Variants in SF3A2 observed in about 807,000 individuals in gnomAD.
SF3A2 encodes splicing factor 3a subunit 2.
A neutral mutation model predicts 31.1 loss-of-function variants in SF3A2; 5 were observed. The observed-to-expected ratio is 0.16, with a 90% confidence interval of 0.08 to 0.34. The LOEUF is 0.34. SF3A2 is among the 10% of genes least tolerant of loss of function. The pLI is 1.00. For missense variants in SF3A2, 577 were observed against 643.9 expected, an observed-to-expected ratio of 0.90 and a Z score of 1.13; for synonymous variants, 365 against 263.7, an observed-to-expected ratio of 1.38 and a Z score of -3.72.
chr19:2,244,901 G>T, intron 4 of SF3A2, 122 bp downstream of exon 4: 2 of 870,852 alleles, frequency 2.3e-6, no homozygotes, highest in African/African-American at 1.7e-5. Context: ...CTCCCTGGGC[G>T]CTTGAGTACG....
chr19:2,248,307 G>T lies in SF3A2; in HGVS notation c.1156G>T (p.Val386Phe). The T allele has an allele frequency of 7.4e-7, 1 of 1,356,554 alleles. No homozygotes were observed. Among genetic ancestry groups the T allele is most frequent in the Non-Finnish European group, 9.4e-7 (1 of 1,061,392 alleles). 84.0% of individuals were successfully genotyped at this position (1,356,554 alleles called of 1,614,324 possible). ...APGVHPAAPA[V>F]HPQAPGVHPP... ...GGGGGTGCACCCAGCAGCCCCCGCC[G>T]TTCACCCTCAGGCCCCAGGGGTGCA... The change falls in exon 9 of 9, where the codon GTT (valine) becomes TTT (phenylalanine). Residue 386 changes from valine to phenylalanine, a missense_variant. Val to Phe is a conservative substitution (Grantham distance 50). This residue lies in a region of SF3A2 where 462 missense variants were observed against 339.1 expected (regional missense o/e 1.36). Transcript: ENST00000221494.
intron 1 of SF3A2, among the ~76,000 whole-genome samples, chr19:2,240,724 C>CT (rs2024881781): frequency 6.6e-6 from 1 of 152,238 alleles, no homozygotes; most frequent in Non-Finnish European, 1.5e-5. Flanking sequence ...ATTTTGCCAT[C>CT]TAAGTTCCTT....
chr19:2,246,570 G>A lies in SF3A2; in HGVS notation c.356-183G>A, dbSNP rs991171238. On this transcript the variant is annotated intron_variant, in intron 5 of 8. Coordinates refer to ENST00000221494, the MANE Select transcript of SF3A2 (RefSeq NM_007165.5). This position sits in a 1 kb window ranked among gnomAD's most constrained non-coding sequence, Gnocchi z 5.5. ...ACTCCGCAGGTAGCTCAGCTCTGGC[G>A]CACCTGTGCCTTCACCTATACCAGA... Among the ~76,000 whole-genome samples the A allele has an allele frequency of 2.6e-5, 4 of 152,246 alleles. No homozygotes were observed. The highest frequency in any genetic ancestry group is 2.0e-4 in the Admixed American group (3 of 15,296).
Position 2,245,035 on chromosome 19 carries a change from A to G in SF3A2, c.245+256A>G. On this transcript the variant is annotated intron_variant, in intron 4 of 8. Coordinates refer to ENST00000221494, the MANE Select transcript of SF3A2 (RefSeq NM_007165.5). This position sits in a 1 kb window ranked among gnomAD's most constrained non-coding sequence, Gnocchi z 4.2. ...CTCCATCTCTACTAAAAATACAAAA[A>G]TTAGGCCAGGCATGGTGGCACACGT... is the stretch of plus-strand genomic sequence containing the variant. 1 of 552,044 alleles carries G rather than the reference A, an allele frequency of 1.8e-6. No homozygotes were observed. Among genetic ancestry groups the G allele is most frequent in the Non-Finnish European group, 3.2e-6 (1 of 308,236 alleles). The allele number at this position is 552,044 out of a possible 1,614,324, so 34.2% of individuals were successfully genotyped here. A position where few individuals can be genotyped will look rare whatever the true frequency, so the allele number is the denominator to read the frequency against.
Position 2,246,468 on chromosome 19 carries a change from G to A in SF3A2, c.356-285G>A, listed in dbSNP as rs759953795. Among the ~76,000 whole-genome samples the A allele has an allele frequency of 8.5e-5, 13 of 152,134 alleles. No homozygotes were observed. The highest frequency in any genetic ancestry group is 1.5e-4 in the Non-Finnish European group (10 of 68,004). On this transcript the variant is annotated intron_variant, in intron 5 of 8. Coordinates refer to ENST00000221494, the MANE Select transcript of SF3A2 (RefSeq NM_007165.5). This position sits in a 1 kb window ranked among gnomAD's most constrained non-coding sequence, Gnocchi z 5.5. ...ACCCAGTGGCCCCAACTCCTGCTGG[G>A]TGGTATCCCAGCACCCCTGGTGAAG...
At chr19:2,238,406 C>T (rs1306905048) in intron 1 of SF3A2, among the ~76,000 whole-genome samples, 6 of 152,114 alleles carry the variant, frequency 3.9e-5, no homozygotes, top group Non-Finnish European at 8.8e-5. Context: ...TAACAGATTT[C>T]TTCATGGATT....
chr19:2,246,618 T>G lies in SF3A2; in HGVS notation c.356-135T>G. 1.1e-6 allele frequency: 1 copy of G among 951,302 alleles called. No individual in the cohort carries two copies. Among genetic ancestry groups the G allele is most frequent in the East Asian group, 2.6e-5 (1 of 37,996 alleles). 58.9% of individuals were successfully genotyped at this position (951,302 alleles called of 1,614,324 possible). ...AGAATCCCAGAGCCTGGGCGGAGAT[T>G]GTCTAATGGTTGCCAGAGCTGCAGG... On this transcript the variant is annotated intron_variant, in intron 5 of 8. Coordinates refer to ENST00000221494, the MANE Select transcript of SF3A2 (RefSeq NM_007165.5). This position sits in a 1 kb window ranked among gnomAD's most constrained non-coding sequence, Gnocchi z 5.5.
chr19:2,248,165 T>TCCAGCCCCCGGAGTCCACCCG lies in SF3A2; in HGVS notation c.1025_1026insAGTCCACCCGCCAGCCCCCGG (p.Ala361_Pro367dup), dbSNP rs2024961564. ...ACCCCCCAGCTCCTGGAGTCCACCC[T>TCCAGCCCCCGGAGTCCACCCG]CCAGCCCCCGGGGTTCACCCACCAG... On this transcript the variant is annotated inframe_insertion, in exon 9 of 9. Coordinates refer to ENST00000221494, the MANE Select transcript of SF3A2 (RefSeq NM_007165.5). 1.6e-6 allele frequency: 2 copies of TCCAGCCCCCGGAGTCCACCCG among 1,288,638 alleles called. No individual in the cohort carries two copies. Among genetic ancestry groups the TCCAGCCCCCGGAGTCCACCCG allele is most frequent in the Non-Finnish European group, 1.0e-6 (1 of 981,754 alleles). The allele number at this position is 1,288,638 out of a possible 1,614,324, so 79.8% of individuals were successfully genotyped here.
Position 2,246,772 on chromosome 19 carries a change from G to A in SF3A2, c.375G>A (p.Ser125=), listed in dbSNP as rs745903339. 1.7e-5 allele frequency: 28 copies of A among 1,613,972 alleles called. No individual in the cohort carries two copies. In the African/African-American group the frequency reaches 2.1e-4, roughly 12 times the overall value. The change falls in exon 6 of 9, where the codon TCG becomes TCA. Residue 125 remains serine, a synonymous_variant. Coordinates refer to ENST00000221494, the MANE Select transcript of SF3A2 (RefSeq NM_007165.5). This position sits in a 1 kb window ranked among gnomAD's most constrained non-coding sequence, Gnocchi z 5.5. ...TTGCAGTGACCAAGCAGAGAGACTC[G>A]GAGATGGGCCAGCAGAGCCTCCTCT... ...PGYKVTKQRD[S]EMGQQSLLFQ...
At chr19:2,244,665 A>AC in intron 3 of SF3A2, 50 bp downstream of exon 3, 1 of 1,611,208 alleles carries the variant, frequency 6.2e-7, no homozygotes, top group African/African-American at 1.3e-5. Flanking sequence ...TGAGTGGCTG[A>AC]CGTCAGGGGG....
Position 2,244,534 on chromosome 19 carries a change from T to TCC in SF3A2, c.127-7_127-6dup. On this transcript the variant is annotated splice_polypyrimidine_tract_variant and intron_variant, in intron 2 of 8. Transcript: ENST00000221494. ...CTTCTGTCTAACGGGCCCCTGTTCT[T>TCC]CCCCTCCAGGACCCGTACTTCATGA... The TCC allele has an allele frequency of 6.2e-7, 1 of 1,611,970 alleles. No individual in the cohort carries two copies. The highest frequency in any genetic ancestry group is 8.5e-7 in the Non-Finnish European group (1 of 1,178,562).
chr19:2,244,715 GT>G lies in SF3A2; in HGVS notation c.199-15del. Reference sequence around the variant, plus strand: ...GTCCGCCCGGCCTCGAGTCATGCGTGTTTCCTTTCCACTCCAGGGGAGCTAC... The same window carrying G: ...GTCCGCCCGGCCTCGAGTCATGCGTGTTCCTTTCCACTCCAGGGGAGCTAC... On this transcript the variant is annotated splice_polypyrimidine_tract_variant and intron_variant, in intron 3 of 8. Transcript: ENST00000221494. The G allele has an allele frequency of 6.2e-7, 1 of 1,614,026 alleles. No homozygotes were observed. The highest frequency in any genetic ancestry group is 8.5e-7 in the Non-Finnish European group (1 of 1,179,948).
chr19:2,239,384 A>G (rs575851925), intron 1 of SF3A2, among the ~76,000 whole-genome samples: 51 of 152,046 alleles, frequency 3.4e-4, no homozygotes, highest in African/African-American at 1.0e-3. Flanking sequence ...AAGAGAGAGA[A>G]AAAAATCTGT....
Position 2,240,966 on chromosome 19 carries a change from C to A in SF3A2, c.-37-2416C>A, listed in dbSNP as rs545316686. Among the ~76,000 whole-genome samples, 3 of 152,336 alleles carry A rather than the reference C, an allele frequency of 2.0e-5. No homozygotes were observed. The East Asian group carries it at 5.8e-4, about 29-fold the overall frequency. On this transcript the variant is annotated intron_variant, in intron 1 of 8. Coordinates refer to ENST00000221494, the MANE Select transcript of SF3A2 (RefSeq NM_007165.5). ...TGGGTCCTCCGCAGACACGTCCCAC[C>A]CACTGCTCTTCTCTCTGCCAGAAGC... is the stretch of plus-strand genomic sequence containing the variant.
chr19:2,248,243 CCAT>C lies in SF3A2; in HGVS notation c.1094_1096del (p.His365del). 2 of 1,378,530 alleles carry C rather than the reference CCAT, an allele frequency of 1.5e-6. No individual in the cohort carries two copies. The highest frequency in any genetic ancestry group is 1.9e-6 in the Non-Finnish European group (2 of 1,056,650). The allele number at this position is 1,378,530 out of a possible 1,614,324, so 85.4% of individuals were successfully genotyped here. On this transcript the variant is annotated inframe_deletion, in exon 9 of 9. Transcript: ENST00000221494. ...GGGTTCACCCACCAGCCCCAGGGGTCCATCCTCCCCCATCAGCGGGGGTTCACC... is the reference window on the plus strand; with the variant it reads ...GGGTTCACCCACCAGCCCCAGGGGTCCCTCCCCCATCAGCGGGGGTTCACC...
chr19:2,242,887 G>A (rs1286789139), intron 1 of SF3A2, among the ~76,000 whole-genome samples: 2 of 152,114 alleles, frequency 1.3e-5, no homozygotes, highest in African/African-American at 2.4e-5. Flanking sequence ...ACTGATCTCC[G>A]CCTAACAAAT....
chr19:2,248,556 C>A lies in SF3A2; in HGVS notation c.*10C>A. 4 of 989,872 alleles carry A rather than the reference C, an allele frequency of 4.0e-6. No homozygotes were observed. The highest frequency in any genetic ancestry group is 5.5e-6 in the Non-Finnish European group (4 of 732,352). 61.3% of individuals were successfully genotyped at this position (989,872 alleles called of 1,614,324 possible). A position where few individuals can be genotyped will look rare whatever the true frequency, so the allele number is the denominator to read the frequency against. On this transcript the variant is annotated 3_prime_UTR_variant, in exon 9 of 9. Transcript: ENST00000221494. ...TCCCCCAACCAACTGAGAAGCTGCT[C>A]CCTCCCCCAGCAAGCCCAGCGCCAG... is the stretch of plus-strand genomic sequence containing the variant.
intron 1 of SF3A2, among the ~76,000 whole-genome samples, chr19:2,240,578 A>G (rs2024880893): frequency 6.6e-6 from 1 of 151,468 alleles, no homozygotes; most frequent in Admixed American, 6.6e-5. Context: ...AGTGGGCCAG[A>G]CTCCACAGGT....
chr19:2,240,875 C>T (rs1599651263), intron 1 of SF3A2, among the ~76,000 whole-genome samples: 1 of 152,374 alleles, frequency 6.6e-6, no homozygotes, highest in East Asian at 1.9e-4. Context: ...AGCTGTGCTG[C>T]CTCTTCCGCA....
Sources: gnomAD v4.1 joint callset for allele counts (sites outside exome capture counted in the v4.1 genomes callset) on GRCh38, gnomAD v4.1.1 for gene constraint, gnomAD v4.1.1 regional missense constraint, Gnocchi (gnomAD v3.1) non-coding constraint, MANE v1.5 for transcripts, NCBI Gene and HGNC (gene_info 2026-07-23, HGNC 2026-07-21) for gene names.